Variants in CCSER1 observed in about 807,000 individuals in gnomAD.
The protein encoded by CCSER1 is coiled-coil serine rich protein 1, also known as serine-rich coiled-coil domain-containing protein 1.
Under a neutral mutation model 82.0 loss-of-function variants are expected in CCSER1, and 41 were observed. The observed-to-expected ratio is 0.50, with a 90% CI of 0.39 to 0.65. The LOEUF is 0.65. CCSER1 is among the 30% of genes least tolerant of loss of function. The pLI is 0.00. For synonymous variants in CCSER1, 414 were observed against 383.9 expected, an observed-to-expected ratio of 1.08 and a Z score of -0.92; for missense variants, 1,119 against 1,064.2, an observed-to-expected ratio of 1.05 and a Z score of -0.72.
rs571126423 is a variant in CCSER1 at position 90,752,093 on chromosome 4, A to G, written c.2010+28102A>G. On this transcript the variant is annotated intron_variant, in intron 7 of 10. Transcript: ENST00000509176. ...ATTTATTGAGCACTTCCAATGCGCT[A>G]GACACATTTTAATTTGTTTTACATA... Among the ~76,000 whole-genome samples the G allele has an allele frequency of 4.6e-5, 7 of 152,196 alleles. No homozygotes were observed. The East Asian group carries it at 1.2e-3, about 25-fold the overall frequency.
At chr4:90,783,572 A>G (rs1450223648) in intron 7 of CCSER1, among the ~76,000 whole-genome samples, 1 of 152,198 alleles carries the variant, frequency 6.6e-6, no homozygotes, top group Admixed American at 6.5e-5. Context: ...ACTAAGAAAA[A>G]GCACCTTTTG....
intron 6 of CCSER1, among the ~76,000 whole-genome samples, chr4:90,716,070 C>A (rs1423144995): frequency 6.6e-6 from 1 of 150,738 alleles, no homozygotes; most frequent in African/African-American, 2.4e-5. Context: ...ATATATATTA[C>A]CCTATATGTA....
intron 1 of CCSER1, among the ~76,000 whole-genome samples, chr4:90,284,826 G>C (rs1729571377): frequency 6.6e-6 from 1 of 151,622 alleles, no homozygotes. Flanking sequence ...GAGAGATATG[G>C]GTCTAGTTTT....
chr4:90,915,169 G>A (rs1460165749), intron 8 of CCSER1, among the ~76,000 whole-genome samples: 1 of 152,148 alleles, frequency 6.6e-6, no homozygotes, highest in Non-Finnish European at 1.5e-5. Flanking sequence ...ATTTCGTGAG[G>A]CCAGCATCAT....
chr4:91,290,061 A>G (rs1362583266), intron 10 of CCSER1, among the ~76,000 whole-genome samples: 2 of 152,036 alleles, frequency 1.3e-5, no homozygotes, highest in African/African-American at 2.4e-5. Flanking sequence ...ATGAAGTGGC[A>G]TCTTTAAAGT....
intron 10 of CCSER1, among the ~76,000 whole-genome samples, chr4:91,566,995 A>C (rs1762921494): frequency 6.6e-6 from 1 of 151,854 alleles, no homozygotes; most frequent in South Asian, 2.1e-4. Flanking sequence ...GTTCACTGAG[A>C]TCTTTCTAAC....
chr4:90,997,616 G>T (rs759340409), intron 9 of CCSER1, among the ~76,000 whole-genome samples: 1 of 152,128 alleles, frequency 6.6e-6, no homozygotes, highest in Non-Finnish European at 1.5e-5. Flanking sequence ...GAGAATTTAT[G>T]ATTGTCAGCT....
At chr4:90,940,681 A>T (rs1039449689) in intron 9 of CCSER1, among the ~76,000 whole-genome samples, 4 of 152,144 alleles carry the variant, frequency 2.6e-5, no homozygotes, top group Non-Finnish European at 4.4e-5. Flanking sequence ...GATCAAAGGA[A>T]CATTATTTTC....
intron 1 of CCSER1, among the ~76,000 whole-genome samples, chr4:90,304,925 T>A (rs1733967289): frequency 6.7e-6 from 1 of 150,352 alleles, no homozygotes; most frequent in Admixed American, 6.6e-5. Context: ...TGTTTTTTAT[T>A]TTTTTTTTTG....
intron 5 of CCSER1, among the ~76,000 whole-genome samples, chr4:90,595,375 T>C (rs1783209852): frequency 6.6e-6 from 1 of 152,026 alleles, no homozygotes; most frequent in Non-Finnish European, 1.5e-5. Flanking sequence ...GAAATATTTA[T>C]ATGTTAATAG....
chr4:91,262,946 C>A (rs1011598116), intron 10 of CCSER1, among the ~76,000 whole-genome samples: 1 of 151,922 alleles, frequency 6.6e-6, no homozygotes, highest in Admixed American at 6.6e-5. Flanking sequence ...TTCCCTTGCT[C>A]TGGTAATTAA....
chr4:91,602,095 G>C lies in CCSER1; in HGVS notation c.*3038G>C, dbSNP rs941703605. ...GAATCCACCACTATCAATACGGTCA[G>C]GGTAAAACCTGGAGCCACATGTTAT... On this transcript the variant is annotated 3_prime_UTR_variant, in exon 11 of 11. Transcript: ENST00000509176. 6.6e-6 allele frequency among the ~76,000 whole-genome samples: 1 copy of C among 152,000 alleles called. No individual in the cohort carries two copies. Among genetic ancestry groups the C allele is most frequent in the African/African-American group, 2.4e-5 (1 of 41,434 alleles).
At chr4:90,733,255 A>C (rs1387173028) in intron 7 of CCSER1, among the ~76,000 whole-genome samples, 4 of 152,108 alleles carry the variant, frequency 2.6e-5, no homozygotes, top group Non-Finnish European at 5.9e-5. Context: ...ATCTCTTTGT[A>C]GTTTTGATTT....
intron 8 of CCSER1, among the ~76,000 whole-genome samples, chr4:90,818,131 C>T (rs1286928743): frequency 6.6e-6 from 1 of 151,934 alleles, no homozygotes; most frequent in Non-Finnish European, 1.5e-5. Flanking sequence ...CCAAGAAAGG[C>T]TTTATTCCCA....
intron 9 of CCSER1, among the ~76,000 whole-genome samples, chr4:91,066,056 T>G (rs933260914): frequency 2.6e-5 from 4 of 152,210 alleles, no homozygotes; most frequent in African/African-American, 9.6e-5. Flanking sequence ...ATTTTGTATA[T>G]TCCCATCAAG....
At chr4:91,429,663 T>A (rs1336872065) in intron 10 of CCSER1, among the ~76,000 whole-genome samples, 1 of 152,012 alleles carries the variant, frequency 6.6e-6, no homozygotes, top group Admixed American at 6.5e-5. Flanking sequence ...GGCCACAAAC[T>A]TTACTGATAT....
intron 10 of CCSER1, among the ~76,000 whole-genome samples, chr4:91,402,718 T>A (rs1400319942): frequency 2.0e-5 from 3 of 152,154 alleles, no homozygotes; most frequent in African/African-American, 7.2e-5. Context: ...TGTGTGGTAT[T>A]ATTTCTGAGG....
intron 7 of CCSER1, among the ~76,000 whole-genome samples, chr4:90,792,288 C>A (rs1023243234): frequency 2.6e-5 from 4 of 152,080 alleles, no homozygotes; most frequent in African/African-American, 9.7e-5. Context: ...ATTCAGCACC[C>A]CATAAAATAG....
At chr4:91,356,768 A>C (rs1395297265) in intron 10 of CCSER1, among the ~76,000 whole-genome samples, 3 of 152,146 alleles carry the variant, frequency 2.0e-5, no homozygotes, top group African/African-American at 7.2e-5. Flanking sequence ...CTCCCCTGCC[A>C]TGAGAGACAA....
Sources: allele counts gnomAD v4.1 joint callset (sites outside exome capture counted in the v4.1 genomes callset), GRCh38; gene constraint gnomAD v4.1.1; transcripts MANE v1.5; gene names NCBI Gene and HGNC (gene_info 2026-07-23, HGNC 2026-07-21).